ZBTB20: variants seen among roughly 807,000 people sequenced by gnomAD.
ZBTB20 encodes the protein zinc finger and BTB domain-containing protein 20.
A neutral mutation model predicts 56.9 loss-of-function variants in ZBTB20; 9 were observed. That is an observed-to-expected ratio of 0.16 (90% CI 0.10 to 0.28). The LOEUF (loss-of-function observed/expected upper bound fraction) is 0.28. Among genes scored for constraint, ZBTB20 ranks in the 10% least tolerant of loss-of-function variants. The pLI, the probability that ZBTB20 is intolerant of heterozygous loss-of-function variation, is 1.00. For synonymous variants in ZBTB20, 417 were observed against 420.7 expected (o/e 0.99, Z 0.11); for missense variants, 655 against 1,003.0 (o/e 0.65, Z 4.69).
At chr3:114,968,117 TA>T (rs1186946257) in intron 3 of ZBTB20, among the ~76,000 whole-genome samples, 1 of 152,144 alleles carries the variant, frequency 6.6e-6, no homozygotes, top group Non-Finnish European at 1.5e-5. Flanking sequence ...ATATGCAATC[TA>T]TTTAGTATAT....
At chr3:114,366,436 A>C (rs1395043792) in intron 10 of ZBTB20, among the ~76,000 whole-genome samples, 2 of 152,128 alleles carry the variant, frequency 1.3e-5, no homozygotes, top group Non-Finnish European at 2.9e-5. Context: ...TTTTCAAACT[A>C]CACATATATT....
At chr3:114,704,882 C>A (rs1045123684) in intron 5 of ZBTB20, among the ~76,000 whole-genome samples, 15 of 151,374 alleles carry the variant, frequency 9.9e-5, no homozygotes, top group African/African-American at 3.6e-4. Context: ...AACCCAATAT[C>A]ATTATTTTCT....
At chr3:114,704,884 T>G (rs1323138050) in intron 5 of ZBTB20, among the ~76,000 whole-genome samples, 1 of 151,142 alleles carries the variant, frequency 6.6e-6, no homozygotes, top group African/African-American at 2.4e-5. Context: ...CCCAATATCA[T>G]TATTTTCTAA....
intron 7 of ZBTB20, among the ~76,000 whole-genome samples, chr3:114,479,827 G>A (rs1339395534): frequency 6.6e-6 from 1 of 152,132 alleles, no homozygotes; most frequent in Non-Finnish European, 1.5e-5. Flanking sequence ...CAAAGTCCAG[G>A]ACACCATCAC....
rs867740962 is a variant in ZBTB20 at position 114,787,374 on chromosome 3, C to T, written c.-343+13727G>A. Reference sequence around the variant, plus strand: ...ATATATATATATATATATATACACACACACACACACACACACACATATATA... The same window carrying T: ...ATATATATATATATATATATACACATACACACACACACACACACATATATA... On this transcript the variant is annotated intron_variant, in intron 5 of 11. Coordinates refer to ENST00000675478, the MANE Select transcript of ZBTB20 (RefSeq NM_001348800.3). 7.5e-3 allele frequency among the ~76,000 whole-genome samples: 952 copies of T among 126,350 alleles called. 30 individuals carry two copies. Among genetic ancestry groups the T allele is most frequent in the African/African-American group, 0.029 (839 of 29,306 alleles). The allele number at this position is 126,350 out of a possible 152,430, so 82.9% of individuals were successfully genotyped here. A position where few individuals can be genotyped will look rare whatever the true frequency, so the allele number is the denominator to read the frequency against.
chr3:114,649,109 C>G (rs995148930), intron 6 of ZBTB20, among the ~76,000 whole-genome samples: 5 of 151,848 alleles, frequency 3.3e-5, no homozygotes, highest in African/African-American at 9.6e-5. Flanking sequence ...ACAGAGGAGC[C>G]AAAAAGATAC....
intron 2 of ZBTB20, among the ~76,000 whole-genome samples, chr3:114,986,248 G>A (rs2078535655): frequency 6.6e-6 from 1 of 152,010 alleles, no homozygotes; most frequent in African/African-American, 2.4e-5. Context: ...ATCCATTTGA[G>A]GGTGTTCTTG....
intron 6 of ZBTB20, among the ~76,000 whole-genome samples, chr3:114,544,402 ATTTCTTCTTTCTTTCTTTCTTTCTTTC>A (rs1257406919): frequency 6.8e-6 from 1 of 146,966 alleles, no homozygotes; most frequent in Admixed American, 6.7e-5. Context: ...TAAAAACTAG[ATTTCTTCTTTCTTTCTTTCTTTCTTTC>A]TTTCTTTCTT....
chr3:114,919,349 G>T (rs1474538436), intron 3 of ZBTB20, among the ~76,000 whole-genome samples: 1 of 151,908 alleles, frequency 6.6e-6, no homozygotes, highest in African/African-American at 2.4e-5. Flanking sequence ...ATAGAGACAT[G>T]AATCAAAGCA....
intron 4 of ZBTB20, among the ~76,000 whole-genome samples, chr3:114,859,181 C>G (rs2075378672): frequency 6.6e-6 from 1 of 151,902 alleles, no homozygotes; most frequent in Non-Finnish European, 1.5e-5. Flanking sequence ...CCTGCCTGCC[C>G]ACCTTTCTTC....
intron 6 of ZBTB20, among the ~76,000 whole-genome samples, chr3:114,574,978 G>T (rs77040099): frequency 0.021 from 3,128 of 152,134 alleles, 106 homozygotes; most frequent in African/African-American, 0.071. Context: ...GACACAATGT[G>T]GAGTACTAGA....
intron 10 of ZBTB20, among the ~76,000 whole-genome samples, chr3:114,355,786 C>A (rs549320877): frequency 9.9e-5 from 15 of 151,856 alleles, no homozygotes; most frequent in African/African-American, 3.6e-4. Context: ...AATGCTAACT[C>A]TATTCTTTCT....
chr3:114,509,884 T>C (rs924293094), intron 6 of ZBTB20, among the ~76,000 whole-genome samples: 2 of 152,086 alleles, frequency 1.3e-5, no homozygotes, highest in African/African-American at 4.8e-5. Context: ...AATTCTTGTA[T>C]TCACCTATTA....
chr3:115,087,446 C>T (rs1024867011), intron 1 of ZBTB20, among the ~76,000 whole-genome samples: 1 of 151,776 alleles, frequency 6.6e-6, no homozygotes, highest in African/African-American at 2.4e-5. Context: ...TTTTAAAAGT[C>T]TAAATATATT....
At chr3:114,463,613 T>C (rs1274342527) in intron 7 of ZBTB20, among the ~76,000 whole-genome samples, 2 of 152,172 alleles carry the variant, frequency 1.3e-5, no homozygotes, top group African/African-American at 4.8e-5. Context: ...AGTGAAAATA[T>C]CTTCAAAGGC....
At chr3:114,607,857 A>T (rs1162084996) in intron 6 of ZBTB20, among the ~76,000 whole-genome samples, 1 of 152,256 alleles carries the variant, frequency 6.6e-6, no homozygotes, top group African/African-American at 2.4e-5. Flanking sequence ...CACAAAAATC[A>T]TCATATATGG....
chr3:115,141,677 A>C (rs77984471), intron 1 of ZBTB20, among the ~76,000 whole-genome samples: 6 of 152,154 alleles, frequency 3.9e-5, no homozygotes, highest in African/African-American at 1.2e-4. Flanking sequence ...GTTTGTGGAA[A>C]TTTTAGACTA....
At chr3:114,875,211 C>T (rs1005822714) in intron 4 of ZBTB20, among the ~76,000 whole-genome samples, 1 of 152,106 alleles carries the variant, frequency 6.6e-6, no homozygotes, top group Non-Finnish European at 1.5e-5. Flanking sequence ...CATAATCAAA[C>T]TGATTAGCAC....
At chr3:114,390,895 A>C (rs2085806135) in intron 7 of ZBTB20, among the ~76,000 whole-genome samples, 1 of 152,138 alleles carries the variant, frequency 6.6e-6, no homozygotes, top group African/African-American at 2.4e-5. Flanking sequence ...TTCCTTTAAA[A>C]TCTGTTCCTT....
Sources: gnomAD v4.1 joint callset for allele counts (sites outside exome capture counted in the v4.1 genomes callset) on GRCh38, gnomAD v4.1.1 for gene constraint, MANE v1.5 for transcripts, NCBI Gene and HGNC (gene_info 2026-07-23, HGNC 2026-07-21) for gene names.